ACADM: variants seen among roughly 807,000 people sequenced by gnomAD.
The protein encoded by ACADM is acyl-CoA dehydrogenase medium chain, also known as medium-chain specific acyl-CoA dehydrogenase, mitochondrial.
ACADM carries 49 observed loss-of-function variants against 58.9 expected under a neutral mutation model. That is an observed-to-expected ratio of 0.83 (90% confidence interval 0.66 to 1.06). The LOEUF (loss-of-function observed/expected upper bound fraction) is 1.06, where lower values mean the gene tolerates loss of function less well. Ranked by LOEUF, ACADM falls within the 50% of genes least tolerant of loss-of-function variation. The pLI is 0.00. For synonymous variants in ACADM, 160 were observed against 157.7 expected, an observed-to-expected ratio of 1.01 and a Z score of -0.11; for missense variants, 496 against 507.0, an observed-to-expected ratio of 0.98 and a Z score of 0.21.
chr1:75,749,485 A>G lies in ACADM; in HGVS notation c.775A>G (p.Lys259Glu), dbSNP rs570815181. 5.9e-5 allele frequency: 95 copies of G among 1,613,964 alleles called. No homozygotes were observed. Among genetic ancestry groups the G allele is most frequent in the Non-Finnish European group, 7.8e-5 (92 of 1,179,990 alleles). The change falls in exon 9 of 12, where the codon AAA becomes GAA. Residue 259 changes from lysine to glutamate, a missense_variant. By Grantham distance (56) the Lys-to-Glu change is moderately conservative (BLOSUM62 1). Transcript: ENST00000370841. The stretch of plus-strand genomic sequence containing the variant: ...TGTCTTCGAAGATGTGAAAGTGCCT[A>G]AAGAAAATGTTTTAATTGGTGACGG... ...GIVFEDVKVP[K>E]ENVLIGDGAG...
In ACADM at chr1:75,749,438, G is replaced by A. The variant is rs373852490; in HGVS notation, c.728G>A (p.Arg243Gln). The A allele has an allele frequency of 9.3e-6, 15 of 1,613,828 alleles. No homozygotes were observed. Among genetic ancestry groups the A allele is most frequent in the East Asian group, 4.5e-5 (2 of 44,876 alleles). ...IGRKELNMGQ[R>Q]CSDTRGIVFE... ...TATTAGGAATTAAACATGGGCCAGC[G>A]ATGTTCAGATACTAGAGGAATTGTC... Residue 243 changes from arginine to glutamine, a missense_variant, in exon 9 of 12, where the codon CGA becomes CAA. By Grantham distance (43) the Arg-to-Gln change is conservative. Transcript: ENST00000370841.
intron 1 of ACADM, among the ~76,000 whole-genome samples, chr1:75,725,793 G>T (rs1647045118): frequency 6.6e-6 from 1 of 152,136 alleles, no homozygotes. Flanking sequence ...AAACATTATC[G>T]TACTTTAATC....
intron 1 of ACADM, 104 bp downstream of exon 1, chr1:75,724,921 G>C: frequency 2.6e-5 from 32 of 1,215,014 alleles, no homozygotes; most frequent in African/African-American, 3.1e-5. Flanking sequence ...GGAGTGGGAA[G>C]TCGGGCTGAG....
intron 10 of ACADM, among the ~76,000 whole-genome samples, chr1:75,759,457 C>T (rs1248188512): frequency 6.6e-6 from 1 of 152,150 alleles, no homozygotes; most frequent in Admixed American, 6.5e-5. Context: ...GGAACAGGAA[C>T]ATATTTCCAT....
At chr1:75,761,470 C>A in intron 11 of ACADM, 100 bp downstream of exon 11, 1 of 1,299,322 alleles carries the variant, frequency 7.7e-7, no homozygotes, top group Non-Finnish European at 1.1e-6. Context: ...TCCCTAGTAG[C>A]AATAAATGAC....
At chr1:75,726,516 C>T (rs1264806322) in intron 1 of ACADM, among the ~76,000 whole-genome samples, 2 of 152,074 alleles carry the variant, frequency 1.3e-5, no homozygotes, top group Admixed American at 1.3e-4. Flanking sequence ...ACCTAGTGAC[C>T]AATTAGGATA....
intron 5 of ACADM, among the ~76,000 whole-genome samples, 167 bp downstream of exon 5, chr1:75,733,795 T>G (rs193146290): frequency 2.0e-5 from 3 of 152,326 alleles, no homozygotes; most frequent in African/African-American, 7.2e-5. Context: ...GATTCAGCAG[T>G]GAAGCCTGGA....
intron 6 of ACADM, among the ~76,000 whole-genome samples, chr1:75,738,678 C>G (rs573560181): frequency 1.7e-4 from 26 of 152,308 alleles, no homozygotes; most frequent in African/African-American, 6.3e-4. Flanking sequence ...CTCCTGGTCT[C>G]AAGCGATCCT....
rs1647213261 is a variant in ACADM, at chr1:75,734,836, T to C, written c.433T>C (p.Tyr145His). 2 of 1,613,754 alleles carry C rather than the reference T, an allele frequency of 1.2e-6. No homozygotes were observed. The highest frequency in any genetic ancestry group is 1.7e-6 in the Non-Finnish European group (2 of 1,179,824). Residue 145 changes from tyrosine (Y) to histidine (H), a missense_variant, in exon 6 of 12, where the codon TAT becomes CAT. Tyr to His is a moderately conservative substitution (Grantham distance 83, BLOSUM62 2). Coordinates refer to ENST00000370841, the MANE Select transcript of ACADM (RefSeq NM_000016.6). ...IAGNDQQKKKYLGRMTEEPLM... is the reference protein window; with the variant it reads ...IAGNDQQKKKHLGRMTEEPLM... The stretch of plus-strand genomic sequence containing the variant: ...TGGAAATGATCAACAAAAGAAGAAG[T>C]ATTTGGGGAGAATGACTGAGGAGCC...
chr1:75,741,474 C>T (rs941919528), intron 7 of ACADM, among the ~76,000 whole-genome samples: 12 of 152,072 alleles, frequency 7.9e-5, no homozygotes, highest in Admixed American at 1.3e-4. Context: ...ATTTTAAAAA[C>T]GGATTAGCCA....
At position 75,742,336 on chromosome 1, in the gene ACADM, A is replaced by G. The variant is rs142080847; in HGVS notation, c.599+2226A>G. On this transcript the variant is annotated intron_variant, in intron 7 of 11. Coordinates refer to ENST00000370841, the MANE Select transcript of ACADM (RefSeq NM_000016.6). ...CCACCGGCAACACATCTTAGAAATG[A>G]CCTCATCCATTACACCACTATCTAC... is the stretch of plus-strand genomic sequence containing the variant. Among the ~76,000 whole-genome samples, 5 of 152,164 alleles carry G rather than the reference A, an allele frequency of 3.3e-5. No homozygotes were observed. The East Asian group carries it at 9.7e-4, about 29-fold the overall frequency.
In ACADM at chr1:75,742,326, C is replaced by T. The variant is rs567626062; in HGVS notation, c.599+2216C>T. On this transcript the variant is annotated intron_variant, in intron 7 of 11. Coordinates refer to ENST00000370841, the MANE Select transcript of ACADM (RefSeq NM_000016.6). The stretch of plus-strand genomic sequence containing the variant: ...GTGCCCAGATCCACCGGCAACACAT[C>T]TTAGAAATGACCTCATCCATTACAC... Among the ~76,000 whole-genome samples, 7 of 152,292 alleles carry T rather than the reference C, an allele frequency of 4.6e-5. 1 individual carries two copies. The highest frequency in any genetic ancestry group is 1.7e-4 in the African/African-American group (7 of 41,550).
At position 75,737,281 on chromosome 1, in the gene ACADM, TATATATATATATATATA is replaced by T. The variant is rs1243067490; in HGVS notation, c.468+2411_468+2427del. Among the ~76,000 whole-genome samples the T allele has an allele frequency of 4.0e-4, 8 of 20,108 alleles. 1 individual carries two copies. Among genetic ancestry groups the T allele is most frequent in the African/African-American group, 8.9e-4 (8 of 9,028 alleles). 13.2% of individuals were successfully genotyped at this position (20,108 alleles called of 152,430 possible). The stretch of plus-strand genomic sequence containing the variant: ...GACTGCCACCACACACACACACAAA[TATATATATATATATATA>T]TATATATATATATATATATATATAT... On this transcript the variant is annotated intron_variant, in intron 6 of 11. Coordinates refer to ENST00000370841, the MANE Select transcript of ACADM (RefSeq NM_000016.6).
rs1168830507 is a variant in ACADM at position 75,747,281 on chromosome 1, T to TA, written c.708+1376dup. Among the ~76,000 whole-genome samples the TA allele has an allele frequency of 6.6e-5, 10 of 151,530 alleles. No homozygotes were observed. The East Asian group carries it at 1.2e-3, about 18-fold the overall frequency. On this transcript the variant is annotated intron_variant, in intron 8 of 11. Coordinates refer to ENST00000370841, the MANE Select transcript of ACADM (RefSeq NM_000016.6). Reference sequence around the variant, plus strand: ...TTTTTCTTTGCCTAATTTTCTCACTTAAAAAAAAATCTACTTCAATAAATA... The same window carrying TA: ...TTTTTCTTTGCCTAATTTTCTCACTTAAAAAAAAAATCTACTTCAATAAATA...
intron 5 of ACADM, 38 bp downstream of exon 5, chr1:75,733,666 T>C: frequency 6.8e-7 from 1 of 1,480,652 alleles, no homozygotes; most frequent in Non-Finnish European, 9.4e-7. Context: ...AACTCAGCTC[T>C]TGTTAATGAG....
chr1:75,725,127 AGTGACCCC>A, intron 1 of ACADM, among the ~76,000 whole-genome samples: 1 of 152,210 alleles, frequency 6.6e-6, no homozygotes, highest in Non-Finnish European at 1.5e-5. Flanking sequence ...CTTTTTCCAA[AGTGACCCC>A]GTCTCTGTGT....
chr1:75,726,294 A>G (rs149072022), intron 1 of ACADM, among the ~76,000 whole-genome samples: 152 of 151,616 alleles, frequency 1.0e-3, no homozygotes, highest in African/African-American at 3.5e-3. Context: ...CTGTAATCCC[A>G]GGAGGCTGAG....
At chr1:75,750,693 C>T in intron 10 of ACADM, 147 bp downstream of exon 10, 1 of 701,122 alleles carries the variant, frequency 1.4e-6, no homozygotes, top group Non-Finnish European at 2.6e-6. Context: ...GTTTCAAAGA[C>T]ATTTCTTTTT....
intron 1 of ACADM, 61 bp from the exon 2 acceptor site, chr1:75,728,340 G>A (rs1394499803): frequency 1.5e-6 from 2 of 1,372,420 alleles, no homozygotes; most frequent in Admixed American, 3.5e-5. Flanking sequence ...ATTATCAGTA[G>A]TCTCTTATCT....
Sources: allele counts gnomAD v4.1 joint callset (sites outside exome capture counted in the v4.1 genomes callset), GRCh38; gene constraint gnomAD v4.1.1; transcripts MANE v1.5; gene names NCBI Gene and HGNC (gene_info 2026-07-23, HGNC 2026-07-21).